The following DGKB variants were observed in gnomAD, a reference collection of about 807,000 sequenced individuals.
DGKB encodes 90 kDa diacylglycerol kinase.
A neutral mutation model predicts 114.3 loss-of-function variants in DGKB; 67 were observed. That is an observed-to-expected ratio of 0.59 (90% CI 0.48 to 0.72). The LOEUF is 0.72. DGKB is among the 30% of genes least tolerant of loss of function. The probability of loss-of-function intolerance (pLI) is 0.00; values close to 1 mark genes in which losing one functional copy is unlikely to be tolerated. For missense variants in DGKB, 907 were observed against 975.2 expected, an observed-to-expected ratio of 0.93 and a Z score of 0.93; for synonymous variants, 398 against 323.1, an observed-to-expected ratio of 1.23 and a Z score of -2.49.
intron 20 of DGKB, among the ~76,000 whole-genome samples, chr7:14,522,938 G>A (rs1790023770): frequency 6.6e-6 from 1 of 152,100 alleles, no homozygotes; most frequent in African/African-American, 2.4e-5. Context: ...AATTGGCCTA[G>A]TTTTTCACTA....
intron 4 of DGKB, among the ~76,000 whole-genome samples, chr7:14,747,775 G>GCGCGCGCGCGCGCGCGCGCGCGCACA: frequency 5.4e-5 from 8 of 149,178 alleles, no homozygotes; most frequent in African/African-American, 1.8e-4. Flanking sequence ...ACATCCACGC[G>GCGCGCGCGCGCGCGCGCGCGCGCACA]CACGCACACA....
intron 20 of DGKB, among the ~76,000 whole-genome samples, chr7:14,517,060 A>T (rs1479720589): frequency 6.6e-6 from 1 of 152,188 alleles, no homozygotes; most frequent in Non-Finnish European, 1.5e-5. Flanking sequence ...AAACTATTCT[A>T]CAAAGCCACA....
intron 1 of DGKB, among the ~76,000 whole-genome samples, chr7:14,843,105 T>C (rs955057826): frequency 2.0e-5 from 3 of 151,090 alleles, no homozygotes; most frequent in Admixed American, 1.3e-4. Context: ...TCAGGGGGAA[T>C]AGTGGGGGAG....
chr7:14,162,717 T>C (rs1437091361), intron 25 of DGKB, among the ~76,000 whole-genome samples: 4 of 152,144 alleles, frequency 2.6e-5, no homozygotes, highest in Non-Finnish European at 5.9e-5. Flanking sequence ...TGCATTAAAG[T>C]GAAGAGTGAC....
chr7:14,397,157 G>A (rs73064070), intron 21 of DGKB, among the ~76,000 whole-genome samples: 2,291 of 152,144 alleles, frequency 0.015, 44 homozygotes, highest in Middle Eastern at 0.086. Flanking sequence ...TGATCTAAAT[G>A]TTCTTGAAGA....
chr7:14,621,265 A>G, intron 15 of DGKB, 113 bp downstream of exon 15: 1 of 649,654 alleles, frequency 1.5e-6, no homozygotes, highest in Non-Finnish European at 2.7e-6. Flanking sequence ...GAAAGAGTCT[A>G]CTAAGCTAAT....
chr7:14,928,645 A>T (rs1784858101), intron 1 of DGKB, among the ~76,000 whole-genome samples: 1 of 151,700 alleles, frequency 6.6e-6, no homozygotes, highest in South Asian at 2.1e-4. Flanking sequence ...TTTTGTGTGT[A>T]TGTTCATTTT....
intron 20 of DGKB, among the ~76,000 whole-genome samples, chr7:14,548,565 G>C (rs149635594): frequency 8.9e-4 from 135 of 152,258 alleles, no homozygotes; most frequent in African/African-American, 2.9e-3. Context: ...CAGAATTGAT[G>C]ATAGGAGCAA....
intron 21 of DGKB, among the ~76,000 whole-genome samples, chr7:14,476,363 C>T (rs919851099): frequency 1.2e-4 from 18 of 151,960 alleles, no homozygotes; most frequent in African/African-American, 4.1e-4. Flanking sequence ...TGAACTGAAA[C>T]TAAATCTTGT....
intron 25 of DGKB, among the ~76,000 whole-genome samples, chr7:14,155,053 G>T (rs1266648036): frequency 6.6e-6 from 1 of 151,954 alleles, no homozygotes; most frequent in East Asian, 1.9e-4. Flanking sequence ...TTCTGCTTTC[G>T]AACAAGAACG....
At chr7:14,398,971 C>T (rs1417018188) in intron 21 of DGKB, among the ~76,000 whole-genome samples, 2 of 151,838 alleles carry the variant, frequency 1.3e-5, no homozygotes, top group African/African-American at 2.4e-5. Context: ...ATTTGCAGAT[C>T]TGAATATCTC....
intron 23 of DGKB, among the ~76,000 whole-genome samples, chr7:14,272,323 T>A (rs951635352): frequency 6.6e-6 from 1 of 152,180 alleles, no homozygotes; most frequent in Non-Finnish European, 1.5e-5. Context: ...ACTAACACTC[T>A]TTTTGAAAAA....
At chr7:14,319,484 A>G (rs1807319334) in intron 23 of DGKB, among the ~76,000 whole-genome samples, 1 of 152,154 alleles carries the variant, frequency 6.6e-6, no homozygotes, top group South Asian at 2.1e-4. Flanking sequence ...AGACTTTTAA[A>G]TGAATACATA....
At chr7:14,234,936 G>C (rs960434563) in intron 23 of DGKB, among the ~76,000 whole-genome samples, 19 of 152,064 alleles carry the variant, frequency 1.2e-4, no homozygotes, top group African/African-American at 4.3e-4. Context: ...AGGCATTTCA[G>C]ATTCATTTCT....
intron 1 of DGKB, among the ~76,000 whole-genome samples, chr7:14,947,660 T>C (rs1351893433): frequency 6.6e-6 from 1 of 151,702 alleles, no homozygotes; most frequent in Non-Finnish European, 1.5e-5. Flanking sequence ...TGTAGGTGTC[T>C]TAATTTGTAT....
intron 20 of DGKB, among the ~76,000 whole-genome samples, chr7:14,494,967 T>A (rs985856773): frequency 6.6e-6 from 1 of 151,892 alleles, no homozygotes; most frequent in Admixed American, 6.6e-5. Context: ...ATTTTTTAAA[T>A]GTCTTCAAGA....
intron 23 of DGKB, among the ~76,000 whole-genome samples, chr7:14,253,926 G>A (rs1234473878): frequency 6.6e-6 from 1 of 152,164 alleles, no homozygotes; most frequent in African/African-American, 2.4e-5. Context: ...AGAAAACAAA[G>A]TATGCCTAGG....
At chr7:14,652,790 C>T (rs1337231514) in intron 13 of DGKB, among the ~76,000 whole-genome samples, 1 of 152,058 alleles carries the variant, frequency 6.6e-6, no homozygotes, top group East Asian at 1.9e-4. Flanking sequence ...CTACAATGAA[C>T]TCAAACAAAT....
At chr7:14,704,324 T>C (rs13234335) in intron 6 of DGKB, among the ~76,000 whole-genome samples, 10,479 of 146,696 alleles carry the variant, frequency 0.071, 702 homozygotes, top group East Asian at 0.24. Flanking sequence ...GGCAGGTGCC[T>C]GTAGTCCCAG....
Sources: allele counts gnomAD v4.1 joint callset (sites outside exome capture counted in the v4.1 genomes callset), GRCh38; gene constraint gnomAD v4.1.1; transcripts MANE v1.5; gene names NCBI Gene and HGNC (gene_info 2026-07-23, HGNC 2026-07-21).